The following FSTL5 variants were observed in gnomAD, a reference collection of about 807,000 sequenced individuals.
The protein encoded by FSTL5 is follistatin-related protein 5.
A neutral mutation model predicts 89.1 loss-of-function variants in FSTL5; 62 were observed. The ratio of observed to expected loss-of-function variants is 0.70; its 90% CI spans 0.57 to 0.86. The LOEUF (loss-of-function observed/expected upper bound fraction) is 0.86. Among genes scored for constraint, FSTL5 ranks in the 40% least tolerant of loss-of-function variants. FSTL5 has a pLI of 0.00. For synonymous variants in FSTL5, 383 were observed against 346.2 expected (o/e 1.11, Z -1.18); for missense variants, 1,057 against 1,001.6 (o/e 1.06, Z -0.75).
intron 15 of FSTL5, among the ~76,000 whole-genome samples, chr4:161,412,469 G>A (rs1731626592): frequency 6.6e-6 from 1 of 151,972 alleles, no homozygotes; most frequent in African/African-American, 2.4e-5. Context: ...TTAGACACAG[G>A]GTGGGGAACA....
intron 8 of FSTL5, among the ~76,000 whole-genome samples, chr4:161,560,514 C>A (rs1732556781): frequency 6.6e-6 from 1 of 151,710 alleles, no homozygotes; most frequent in African/African-American, 2.4e-5. Flanking sequence ...CACTTAGCTT[C>A]AAATATACAT....
At chr4:162,095,522 G>A (rs1391384687) in intron 2 of FSTL5, among the ~76,000 whole-genome samples, 2 of 151,950 alleles carry the variant, frequency 1.3e-5, no homozygotes, top group Non-Finnish European at 2.9e-5. Flanking sequence ...GGTGAATAAG[G>A]GACTTTATTG....
In FSTL5 at chr4:161,776,104, C is replaced by A. The variant is rs772157202; in HGVS notation, c.410-30G>T. On this transcript the variant is annotated intron_variant, in intron 4 of 15. Transcript: ENST00000306100. Reference sequence around the variant, plus strand: ...AACAAAAGAACTAGTTATTTTCAAGCAATATTATTGAAAAGAAATAGTTTA... The same window carrying A: ...AACAAAAGAACTAGTTATTTTCAAGAAATATTATTGAAAAGAAATAGTTTA... 5 of 1,115,110 alleles carry A rather than the reference C, an allele frequency of 4.5e-6. No individual in the cohort carries two copies. In the East Asian group the frequency reaches 1.4e-4, roughly 30 times the overall value. 69.1% of individuals were successfully genotyped at this position (1,115,110 alleles called of 1,614,324 possible).
chr4:161,751,582 C>A (rs1386475604), intron 6 of FSTL5, among the ~76,000 whole-genome samples: 3 of 152,028 alleles, frequency 2.0e-5, no homozygotes, highest in Admixed American at 2.0e-4. Flanking sequence ...TGAGACCAGG[C>A]TGGGCAACAT....
intron 4 of FSTL5, among the ~76,000 whole-genome samples, chr4:161,853,188 C>G (rs1731611609): frequency 6.6e-6 from 1 of 152,134 alleles, no homozygotes; most frequent in Non-Finnish European, 1.5e-5. Context: ...TAATATAATT[C>G]TCCAACAGGA....
chr4:161,671,731 A>C (rs967318175), intron 6 of FSTL5, among the ~76,000 whole-genome samples: 1 of 152,140 alleles, frequency 6.6e-6, no homozygotes, highest in Admixed American at 6.6e-5. Context: ...ACACAGGATG[A>C]ATTTCTACAA....
chr4:161,890,550 T>C (rs997024074), intron 4 of FSTL5, among the ~76,000 whole-genome samples: 3 of 151,676 alleles, frequency 2.0e-5, no homozygotes, highest in African/African-American at 4.8e-5. Context: ...TAGCCAGTCG[T>C]GGTGGTGTGT....
chr4:161,940,183 G>T (rs1734539414), intron 3 of FSTL5, among the ~76,000 whole-genome samples: 1 of 151,684 alleles, frequency 6.6e-6, no homozygotes, highest in African/African-American at 2.4e-5. Flanking sequence ...GCAGATTTTA[G>T]CAAGCAGAAA....
chr4:161,827,788 C>T (rs1014131272), intron 4 of FSTL5, among the ~76,000 whole-genome samples: 1 of 152,142 alleles, frequency 6.6e-6, no homozygotes, highest in Non-Finnish European at 1.5e-5. Context: ...AAAGGCTGGT[C>T]TCACTCCCAT....
chr4:161,606,251 T>TTTC (rs1734435607), intron 7 of FSTL5, among the ~76,000 whole-genome samples: 1 of 148,752 alleles, frequency 6.7e-6, no homozygotes, highest in African/African-American at 2.5e-5. Flanking sequence ...TTTTTTTTTT[T>TTTC]TTTTTTTTTT....
intron 3 of FSTL5, among the ~76,000 whole-genome samples, chr4:162,013,508 T>C (rs1736829203): frequency 6.6e-6 from 1 of 152,210 alleles, no homozygotes; most frequent in Admixed American, 6.5e-5. Context: ...CAGAGCACAT[T>C]CTTTCTAAAG....
At chr4:161,408,579 T>A (rs1731473259) in intron 15 of FSTL5, among the ~76,000 whole-genome samples, 1 of 152,168 alleles carries the variant, frequency 6.6e-6, no homozygotes, top group Admixed American at 6.5e-5. Context: ...CTATTCTGAA[T>A]TGCCTAAAAT....
intron 4 of FSTL5, among the ~76,000 whole-genome samples, chr4:161,887,556 A>G (rs544111733): frequency 3.9e-5 from 6 of 152,166 alleles, no homozygotes; most frequent in East Asian, 1.9e-4. Flanking sequence ...CAGACATTTT[A>G]TCTTTTGCTA....
intron 2 of FSTL5, among the ~76,000 whole-genome samples, chr4:162,090,583 G>A (rs1420854291): frequency 1.3e-5 from 2 of 152,108 alleles, no homozygotes; most frequent in African/African-American, 4.8e-5. Flanking sequence ...CACTTTTGGA[G>A]GTTGAGGCAG....
intron 15 of FSTL5, among the ~76,000 whole-genome samples, chr4:161,409,061 A>T (rs2110929640): frequency 6.6e-6 from 1 of 152,310 alleles, no homozygotes; most frequent in Non-Finnish European, 1.5e-5. Context: ...AATACAGAGA[A>T]TCCTAAACAG....
intron 7 of FSTL5, among the ~76,000 whole-genome samples, chr4:161,615,669 A>G (rs1272996999): frequency 6.6e-6 from 1 of 152,112 alleles, no homozygotes; most frequent in South Asian, 2.1e-4. Flanking sequence ...AAAAGATTTA[A>G]AGAGTTTTAT....
intron 6 of FSTL5, among the ~76,000 whole-genome samples, chr4:161,705,781 T>C (rs1738544115): frequency 6.6e-6 from 1 of 150,654 alleles, no homozygotes; most frequent in South Asian, 2.1e-4. Context: ...TTATAAAATA[T>C]TTTAAAATAG....
intron 4 of FSTL5, among the ~76,000 whole-genome samples, chr4:161,866,743 A>C (rs1257846926): frequency 6.6e-6 from 1 of 151,810 alleles, no homozygotes; most frequent in Non-Finnish European, 1.5e-5. Context: ...TTACATACAC[A>C]TTTTTCTGCA....
chr4:162,094,097 A>C (rs1579022084), intron 2 of FSTL5, among the ~76,000 whole-genome samples: 1 of 152,190 alleles, frequency 6.6e-6, no homozygotes, highest in Non-Finnish European at 1.5e-5. Flanking sequence ...CTCAAGAATT[A>C]TCTGCTAAAG....
Sources: allele counts gnomAD v4.1 joint callset (sites outside exome capture counted in the v4.1 genomes callset), GRCh38; gene constraint gnomAD v4.1.1; transcripts MANE v1.5; gene names NCBI Gene and HGNC (gene_info 2026-07-23, HGNC 2026-07-21).